The following KIAA1217 variants were observed in gnomAD, a reference collection of about 807,000 sequenced individuals.
The protein encoded by KIAA1217 is KIAA1217, also known as sickle tail protein homolog.
KIAA1217 carries 88 observed loss-of-function variants against 163.9 expected under a neutral mutation model. That is an observed-to-expected ratio of 0.54 (90% CI 0.45 to 0.64). KIAA1217 has a LOEUF of 0.64. KIAA1217 is among the 30% of genes least tolerant of loss of function. KIAA1217 has a pLI of 0.00. For synonymous variants in KIAA1217, 903 were observed against 923.1 expected (o/e 0.98, Z 0.39); for missense variants, 2,372 against 2,475.0 (o/e 0.96, Z 0.88).
chr10:24,136,385 A>G (rs1042750022), intron 2 of KIAA1217, among the ~76,000 whole-genome samples: 7 of 152,150 alleles, frequency 4.6e-5, no homozygotes, highest in African/African-American at 1.7e-4. Flanking sequence ...AGATTATTAG[A>G]TTTTTTAAAC....
intron 10 of KIAA1217, among the ~76,000 whole-genome samples, chr10:24,518,294 C>A (rs2070514252): frequency 6.6e-6 from 1 of 151,812 alleles, no homozygotes; most frequent in East Asian, 1.9e-4. Flanking sequence ...TTTGAATGAA[C>A]AAATTTGATT....
At chr10:23,734,445 C>T (rs1838671887) in intron 1 of KIAA1217, among the ~76,000 whole-genome samples, 1 of 151,806 alleles carries the variant, frequency 6.6e-6, no homozygotes, top group Non-Finnish European at 1.5e-5. Flanking sequence ...TGCCACAACG[C>T]CTGGCTAATT....
At chr10:24,242,042 T>C (rs2073172193) in intron 2 of KIAA1217, among the ~76,000 whole-genome samples, 1 of 152,190 alleles carries the variant, frequency 6.6e-6, no homozygotes, top group African/African-American at 2.4e-5. Context: ...TTCCCAGCAC[T>C]GTTTGGGGGC....
In KIAA1217 at chr10:24,421,647, T is replaced by G. The variant is rs114922631; in HGVS notation, c.554-11348T>G. ...GTTTTTGCTAAACATAAGAACATTC[T>G]TTTTAATTTTTAAATTACTGGTTTT... On this transcript the variant is annotated intron_variant, in intron 3 of 20. Transcript: ENST00000376454. Among the ~76,000 whole-genome samples, 669 of 152,342 alleles carry G rather than the reference T, an allele frequency of 4.4e-3. 4 individuals carry two copies. The highest frequency in any genetic ancestry group is 0.016 in the African/African-American group (649 of 41,582).
At chr10:23,891,670 G>C (rs1174703275) in intron 1 of KIAA1217, among the ~76,000 whole-genome samples, 1 of 151,938 alleles carries the variant, frequency 6.6e-6, no homozygotes, top group South Asian at 2.1e-4. Context: ...CCACTGCTTA[G>C]AAATTATTGA....
At chr10:23,711,156 T>A (rs1264432540) in intron 1 of KIAA1217, among the ~76,000 whole-genome samples, 1 of 152,116 alleles carries the variant, frequency 6.6e-6, no homozygotes, top group Non-Finnish European at 1.5e-5. Context: ...GGCTGGCAGG[T>A]TGGTTCCAGA....
At chr10:24,030,098 A>G (rs1455537260) in intron 2 of KIAA1217, among the ~76,000 whole-genome samples, 2 of 152,208 alleles carry the variant, frequency 1.3e-5, no homozygotes, top group African/African-American at 2.4e-5. Context: ...TTCAAGCATC[A>G]ATTACATGAA....
intron 1 of KIAA1217, among the ~76,000 whole-genome samples, chr10:23,725,901 T>C (rs545272171): frequency 1.5e-3 from 222 of 152,300 alleles, no homozygotes; most frequent in African/African-American, 5.2e-3. Flanking sequence ...CTTCCACCTT[T>C]GTGCCCTCTT....
rs183954979 is a variant in KIAA1217 at position 23,889,000 on chromosome 10, T to C, written c.-320-118225T>C. 7.9e-5 allele frequency among the ~76,000 whole-genome samples: 12 copies of C among 152,024 alleles called. No homozygotes were observed. The East Asian group carries it at 2.3e-3, about 30-fold the overall frequency. On this transcript the variant is annotated intron_variant, in intron 1 of 18. Transcript: ENST00000376462. ...CTCTGCATTATGTTTTTGAGAGCCA[T>C]CCATTTGTGGCAAGTATCAATCATC...
intron 1 of KIAA1217, among the ~76,000 whole-genome samples, chr10:23,758,308 A>C (rs1380438699): frequency 1.3e-5 from 2 of 152,192 alleles, no homozygotes; most frequent in African/African-American, 4.8e-5. Flanking sequence ...TTTGTTTTAA[A>C]AAAATTATCT....
chr10:24,298,283 T>C (rs530424912), intron 2 of KIAA1217, among the ~76,000 whole-genome samples: 6 of 149,576 alleles, frequency 4.0e-5, no homozygotes, highest in African/African-American at 5.0e-5. Flanking sequence ...CCTTATTTGT[T>C]TAGAAATTTT....
At chr10:24,211,882 C>T (rs1229007433) in intron 1 of KIAA1217, among the ~76,000 whole-genome samples, 2 of 151,628 alleles carry the variant, frequency 1.3e-5, no homozygotes. Context: ...AGTGAGACCC[C>T]ATCTCTAGAA....
rs1847609040 is a variant in KIAA1217 at position 24,018,872 on chromosome 10, T to A, written c.-171+11498T>A. 2.6e-5 allele frequency among the ~76,000 whole-genome samples: 4 copies of A among 152,100 alleles called. No individual in the cohort carries two copies. The South Asian group carries it at 8.3e-4, about 31-fold the overall frequency. ...TATGGTATATATACACTATTCTGCCTTCAAAGAGAAGAAAATCTTGTCATT... is the reference window on the plus strand; with the variant it reads ...TATGGTATATATACACTATTCTGCCATCAAAGAGAAGAAAATCTTGTCATT... On this transcript the variant is annotated intron_variant, in intron 2 of 18. Coordinates refer to the KIAA1217 transcript ENST00000376462.
At chr10:23,834,599 G>A (rs1838361713) in intron 1 of KIAA1217, among the ~76,000 whole-genome samples, 1 of 152,186 alleles carries the variant, frequency 6.6e-6, no homozygotes, top group East Asian at 1.9e-4. Flanking sequence ...TTTGGGGTCA[G>A]TGTTAACTCA....
In KIAA1217 at chr10:23,993,226, T is replaced by G. The variant is rs147841545; in HGVS notation, c.-320-13999T>G. On this transcript the variant is annotated intron_variant, in intron 1 of 18. Transcript: ENST00000376462. ...TTTGTATTTTTAGTAGAGATGGGGT[T>G]TCACCATGTTGGCCAGGATGGTCTT... Among the ~76,000 whole-genome samples the G allele has an allele frequency of 8.2e-3, 1,252 of 152,024 alleles. 16 individuals carry two copies. The highest frequency in any genetic ancestry group is 0.029 in the African/African-American group (1,183 of 41,458).
intron 5 of KIAA1217, among the ~76,000 whole-genome samples, chr10:24,463,252 C>T (rs536663113): frequency 6.6e-6 from 1 of 152,272 alleles, no homozygotes; most frequent in South Asian, 2.1e-4. Context: ...CTATTCTGCT[C>T]CAGATTGAGA....
At chr10:24,457,304 C>G (rs1341718574) in intron 5 of KIAA1217, among the ~76,000 whole-genome samples, 1 of 149,378 alleles carries the variant, frequency 6.7e-6, no homozygotes, top group East Asian at 2.0e-4. Context: ...GACTTGAAAG[C>G]TCTTGGTGCT....
Position 23,925,563 on chromosome 10 carries a change from T to C in KIAA1217, c.-320-81662T>C, listed in dbSNP as rs544108857. Among the ~76,000 whole-genome samples the C allele has an allele frequency of 2.0e-5, 3 of 152,330 alleles. No homozygotes were observed. In the South Asian group the frequency reaches 6.2e-4, roughly 32 times the overall value. On this transcript the variant is annotated intron_variant, in intron 1 of 18. Transcript: ENST00000376462. ...CTTTTGAAAGACTTTTCTGAGTGAA[T>C]TGCAGCTTAACAAAGTTCACTTTTA...
intron 6 of KIAA1217, among the ~76,000 whole-genome samples, chr10:24,478,976 A>G (rs2064340660): frequency 6.6e-6 from 1 of 152,200 alleles, no homozygotes; most frequent in Non-Finnish European, 1.5e-5. Flanking sequence ...GTAAACTTGA[A>G]CTGAGATTGT....
Sources: gnomAD v4.1 joint callset for allele counts (sites outside exome capture counted in the v4.1 genomes callset) on GRCh38, gnomAD v4.1.1 for gene constraint, MANE v1.5 for transcripts, NCBI Gene and HGNC (gene_info 2026-07-23, HGNC 2026-07-21) for gene names.